The following KIAA2012 variants were observed in gnomAD, a reference collection of about 807,000 sequenced individuals.
KIAA2012 encodes the protein KIAA2012.
A neutral mutation model predicts 150.6 loss-of-function variants in KIAA2012; 125 were observed. The observed-to-expected ratio is 0.83, with a 90% CI of 0.72 to 0.96. The LOEUF (loss-of-function observed/expected upper bound fraction) is 0.96. KIAA2012 is among the 40% of genes least tolerant of loss of function. The pLI, the probability that KIAA2012 is intolerant of heterozygous loss-of-function variation, is 0.00. For missense variants in KIAA2012, 1,219 were observed against 1,354.9 expected (o/e 0.90, Z 1.57); for synonymous variants, 462 against 504.7 (o/e 0.92, Z 1.13).
intron 23 of KIAA2012, among the ~76,000 whole-genome samples, chr2:202,204,320 G>C (rs1301411739): frequency 6.6e-6 from 1 of 152,000 alleles, no homozygotes; most frequent in African/African-American, 2.4e-5. Context: ...CGAGTTATCT[G>C]CCCACCTCAG....
intron 14 of KIAA2012, among the ~76,000 whole-genome samples, chr2:202,155,086 T>C (rs2105711748): frequency 6.6e-6 from 1 of 152,324 alleles, no homozygotes; most frequent in South Asian, 2.1e-4. Flanking sequence ...AACCACCTCA[T>C]AAAACAGTCA....
intron 15 of KIAA2012, 45 bp downstream of exon 15, chr2:202,165,401 G>A (rs1691736712): frequency 2.0e-6 from 3 of 1,521,084 alleles, no homozygotes; most frequent in African/African-American, 1.4e-5. Flanking sequence ...AGCCATAACT[G>A]TCAGATGAAC....
At chr2:202,161,558 C>T (rs943802884) in intron 14 of KIAA2012, among the ~76,000 whole-genome samples, 1 of 152,056 alleles carries the variant, frequency 6.6e-6, no homozygotes, top group Non-Finnish European at 1.5e-5. Flanking sequence ...CTAACCAGCA[C>T]ATGCTGCTTC....
intron 7 of KIAA2012, 29 bp from the exon 8 acceptor site, chr2:202,102,917 T>A (rs1471845470): frequency 2.6e-6 from 4 of 1,545,670 alleles, no homozygotes; most frequent in Non-Finnish European, 3.5e-6. Flanking sequence ...ATACCTGCCA[T>A]GATCGTTTTG....
chr2:202,123,098 C>G (rs1249665518), intron 11 of KIAA2012, among the ~76,000 whole-genome samples: 1 of 152,144 alleles, frequency 6.6e-6, no homozygotes, highest in East Asian at 1.9e-4. Flanking sequence ...GGTTGAGCTT[C>G]CTAGCAGGCA....
chr2:202,090,990 A>G (rs1689705827), intron 3 of KIAA2012, 61 bp downstream of exon 3: 2 of 1,477,206 alleles, frequency 1.4e-6, no homozygotes, highest in Non-Finnish European at 9.0e-7. Flanking sequence ...TTCTGGTGTG[A>G]CAGTGTGTTT....
intron 11 of KIAA2012, among the ~76,000 whole-genome samples, chr2:202,119,090 G>A (rs1690596401): frequency 6.6e-6 from 1 of 152,124 alleles, no homozygotes; most frequent in South Asian, 2.1e-4. Flanking sequence ...GTCAGGAGTT[G>A]TTGAAACCCT....
intron 14 of KIAA2012, among the ~76,000 whole-genome samples, chr2:202,156,663 A>G (rs1274326084): frequency 6.6e-6 from 1 of 152,214 alleles, no homozygotes; most frequent in Non-Finnish European, 1.5e-5. Flanking sequence ...AGGCGGGCAG[A>G]TCACGAGGTC....
chr2:202,160,016 C>T (rs1691615226), intron 14 of KIAA2012, among the ~76,000 whole-genome samples: 1 of 152,158 alleles, frequency 6.6e-6, no homozygotes, highest in Admixed American at 6.5e-5. Context: ...CATATTGAGC[C>T]TTGTATAATC....
At chr2:202,126,617 ATGGTGGTGGTGGTGGTGG>A (rs60119764) in intron 12 of KIAA2012, among the ~76,000 whole-genome samples, 20 of 146,126 alleles carry the variant, frequency 1.4e-4, no homozygotes, top group African/African-American at 2.5e-4. Flanking sequence ...AATGATGATG[ATGGTGGTGGTGGTGGTGG>A]TGGTGGTGGT....
chr2:202,135,177 C>G (rs955504667), intron 12 of KIAA2012, among the ~76,000 whole-genome samples: 2 of 152,190 alleles, frequency 1.3e-5, no homozygotes, highest in Non-Finnish European at 2.9e-5. Flanking sequence ...TGATGGTGGG[C>G]AGCCAAGGAA....
In KIAA2012 at chr2:202,075,143, A is replaced by G. The variant is rs1332598414; in HGVS notation, c.337A>G (p.Lys113Glu). ...TGAACTGCACACACTTCAAGACCTC[A>G]AAGAAGCCATCCTGGCATATGGAAG... is the stretch of plus-strand genomic sequence containing the variant. ...DLELHTLQDL[K>E]EAILAYGRQQ... Residue 113 changes from lysine to glutamate, a missense_variant, in exon 2 of 24, where the codon AAA (lysine) becomes GAA (glutamate). Transcript: ENST00000498697. 6.5e-7 allele frequency: 1 copy of G among 1,548,672 alleles called. No individual in the cohort carries two copies. The highest frequency in any genetic ancestry group is 1.2e-5 in the South Asian group (1 of 83,616).
At position 202,198,174 on chromosome 2, in the gene KIAA2012, C is replaced by CAAAAAAA. The variant is rs1009971980; in HGVS notation, c.3407+1172_3407+1178dup. Among the ~76,000 whole-genome samples the CAAAAAAA allele has an allele frequency of 3.2e-3, 215 of 67,114 alleles. 3 individuals carry two copies. Among genetic ancestry groups the CAAAAAAA allele is most frequent in the Non-Finnish European group, 5.0e-3 (188 of 37,576 alleles). 44.0% of individuals were successfully genotyped at this position (67,114 alleles called of 152,430 possible). A position where few individuals can be genotyped will look rare whatever the true frequency, so the allele number is the denominator to read the frequency against. Reference sequence around the variant, plus strand: ...GGGCGACAAGAGCAAGGCTCTTTCTCAAAAAAAAAAAAAAAAAAAAAAAGG... The same window carrying CAAAAAAA: ...GGGCGACAAGAGCAAGGCTCTTTCTCAAAAAAAAAAAAAAAAAAAAAAAAAAAAAAGG... On this transcript the variant is annotated intron_variant, in intron 22 of 23. Transcript: ENST00000498697.
chr2:202,187,217 G>A (rs1046451671), intron 17 of KIAA2012, 119 bp downstream of exon 17: 3 of 1,110,362 alleles, frequency 2.7e-6, no homozygotes, highest in Non-Finnish European at 3.7e-6. Context: ...GGGATGAGGG[G>A]GGCACTGAGG....
chr2:202,183,706 A>G (rs1431066715), intron 15 of KIAA2012, among the ~76,000 whole-genome samples: 1 of 152,086 alleles, frequency 6.6e-6, no homozygotes, highest in Non-Finnish European at 1.5e-5. Flanking sequence ...GGGTTTCACC[A>G]TGTTAGCCAG....
intron 13 of KIAA2012, among the ~76,000 whole-genome samples, chr2:202,142,611 G>C (rs988599494): frequency 1.3e-5 from 2 of 152,176 alleles, no homozygotes; most frequent in Non-Finnish European, 2.9e-5. Flanking sequence ...AAGGGGACTT[G>C]TTTTGGGAAA....
chr2:202,091,116 A>G (rs1689708860), intron 3 of KIAA2012, among the ~76,000 whole-genome samples, 187 bp downstream of exon 3: 1 of 152,166 alleles, frequency 6.6e-6, no homozygotes, highest in African/African-American at 2.4e-5. Context: ...CCTCTGACGC[A>G]TTTGCAGAGG....
intron 12 of KIAA2012, among the ~76,000 whole-genome samples, chr2:202,132,775 CAT>C (rs1276427732): frequency 1.5e-4 from 5 of 34,004 alleles, no homozygotes; most frequent in East Asian, 1.6e-3. Context: ...TACATATATA[CAT>C]ATATATATGC....
At chr2:202,082,148 T>C (rs4675259) in intron 2 of KIAA2012, among the ~76,000 whole-genome samples, 24,167 of 152,144 alleles carry the variant, frequency 0.16, 2,730 homozygotes, top group East Asian at 0.32. Flanking sequence ...TCAAGTCTTT[T>C]GCCCATTTTT....
Sources: allele counts gnomAD v4.1 joint callset (sites outside exome capture counted in the v4.1 genomes callset), GRCh38; gene constraint gnomAD v4.1.1; transcripts MANE v1.5; gene names NCBI Gene and HGNC (gene_info 2026-07-23, HGNC 2026-07-21).